The following USP25 variants were observed in gnomAD, a reference collection of about 807,000 sequenced individuals.
USP25 encodes the protein ubiquitin carboxyl-terminal hydrolase 25.
A neutral mutation model predicts 158.5 loss-of-function variants in USP25; 85 were observed. The ratio of observed to expected loss-of-function variants is 0.54; its 90% CI spans 0.45 to 0.64. The LOEUF is 0.64. USP25 is among the 30% of genes least tolerant of loss of function. The pLI, the probability that USP25 is intolerant of heterozygous loss-of-function variation, is 0.00. For missense variants in USP25, 1,242 were observed against 1,327.3 expected (o/e 0.94, Z 1.00); for synonymous variants, 464 against 460.4 (o/e 1.01, Z -0.10).
At chr21:15,869,955 C>G in intron 22 of USP25, 113 bp from the exon 23 acceptor site, 1 of 719,414 alleles carries the variant, frequency 1.4e-6, no homozygotes, top group Non-Finnish European at 2.2e-6. Context: ...ATTTTGAACT[C>G]TTTATTTCTA....
intron 5 of USP25, among the ~76,000 whole-genome samples, chr21:15,793,020 C>T (rs914061993): frequency 2.0e-5 from 3 of 151,418 alleles, no homozygotes; most frequent in African/African-American, 2.4e-5. Context: ...ACTTTACTTG[C>T]GCTATCTATT....
chr21:15,800,192 A>G (rs1323672725), intron 6 of USP25, among the ~76,000 whole-genome samples: 2 of 151,292 alleles, frequency 1.3e-5, no homozygotes, highest in South Asian at 2.1e-4. Context: ...TTTCTTTTCA[A>G]TTGATCGTCT....
chr21:15,873,736 G>A (rs1001327931), intron 23 of USP25, among the ~76,000 whole-genome samples: 2 of 151,934 alleles, frequency 1.3e-5, no homozygotes, highest in Middle Eastern at 3.4e-3. Context: ...CAGGTGGTCC[G>A]TCTGCCTCAG....
chr21:15,768,522 A>G (rs534972365), intron 3 of USP25, among the ~76,000 whole-genome samples: 1 of 152,220 alleles, frequency 6.6e-6, no homozygotes, highest in East Asian at 1.9e-4. Flanking sequence ...TACTGTTGAG[A>G]AGAAATGAAG....
intron 5 of USP25, among the ~76,000 whole-genome samples, chr21:15,794,049 C>T (rs1370467863): frequency 6.6e-6 from 1 of 151,376 alleles, no homozygotes; most frequent in African/African-American, 2.4e-5. Flanking sequence ...TGTAAATGTA[C>T]TGTAAAGTTT....
intron 1 of USP25, among the ~76,000 whole-genome samples, chr21:15,750,656 G>A (rs953596246): frequency 1.3e-5 from 2 of 151,802 alleles, no homozygotes; most frequent in African/African-American, 4.8e-5. Flanking sequence ...GCCTAGGCTG[G>A]AGTGCCGTGG....
intron 3 of USP25, among the ~76,000 whole-genome samples, chr21:15,769,836 G>T (rs772362996): frequency 1.3e-5 from 2 of 152,134 alleles, no homozygotes; most frequent in Non-Finnish European, 2.9e-5. Context: ...GCGATCAAAA[G>T]ATAAGAGGGA....
At chr21:15,833,076 C>G (rs2037890507) in intron 16 of USP25, among the ~76,000 whole-genome samples, 1 of 151,864 alleles carries the variant, frequency 6.6e-6, no homozygotes, top group Non-Finnish European at 1.5e-5. Context: ...TTTTCTGTCA[C>G]TTCTACTCTT....
chr21:15,852,591 A>T (rs528103357), intron 20 of USP25, among the ~76,000 whole-genome samples: 1 of 152,254 alleles, frequency 6.6e-6, no homozygotes, highest in South Asian at 2.1e-4. Flanking sequence ...GTCCACATAT[A>T]GTCGGAGATG....
chr21:15,824,974 A>G lies in USP25; in HGVS notation c.1217A>G (p.His406Arg), dbSNP rs1230360525. 5 of 1,609,116 alleles carry G rather than the reference A, an allele frequency of 3.1e-6. 1 individual carries two copies. The South Asian group carries it at 4.4e-5, about 14-fold the overall frequency. ...TTACCTTTTTCTGATAGATACATGC[A>G]CAGAAACAGAGAAATAACAAGAATT... is the stretch of plus-strand genomic sequence containing the variant. The part of the protein sequence containing the change: ...PQVLYLDRYM[H>R]RNREITRIKR... Residue 406 changes from histidine (H) to arginine (R), a missense_variant, in exon 12 of 26, where the codon CAC becomes CGC. Physicochemically the swap from His to Arg is conservative, Grantham distance 29 (BLOSUM62 0). Transcript: ENST00000400183.
rs192241219 is a variant in USP25, at chr21:15,837,854, C to T, written c.2194+4306C>T. Among the ~76,000 whole-genome samples, 110 of 152,052 alleles carry T rather than the reference C, an allele frequency of 7.2e-4. 1 individual carries two copies. The highest frequency in any genetic ancestry group is 2.5e-3 in the African/African-American group (102 of 41,470). On this transcript the variant is annotated intron_variant, in intron 17 of 25. Coordinates refer to ENST00000400183, the MANE Select transcript of USP25 (RefSeq NM_001283041.3). The stretch of plus-strand genomic sequence containing the variant: ...AATAAGCTGATGTTCCAGGAGAGTA[C>T]GGTTGGATCCTGAGAGTAAGACCTG...
intron 24 of USP25, among the ~76,000 whole-genome samples, chr21:15,874,940 G>A (rs2040041910): frequency 6.6e-6 from 1 of 152,144 alleles, no homozygotes; most frequent in Non-Finnish European, 1.5e-5. Flanking sequence ...GCTGAGGCTG[G>A]TGGATCACAA....
In USP25 at chr21:15,849,873, G is replaced by T. The variant is rs1201316066; in HGVS notation, c.2547+1G>T. On this transcript the variant is annotated splice_donor_variant, in intron 20 of 25. Transcript: ENST00000400183. LOFTEE classifies it high-confidence loss of function. ...TGGCCCTGAAGCAGGGTTCTTTAAG[G>T]TACAATGAACATTTTCATTTTCGTG... 2.0e-6 allele frequency: 3 copies of T among 1,485,760 alleles called. No individual in the cohort carries two copies. The Admixed American group carries it at 7.6e-5, about 37-fold the overall frequency. 92.0% of individuals were successfully genotyped at this position (1,485,760 alleles called of 1,614,324 possible).
chr21:15,800,165 T>C (rs764827659), intron 6 of USP25, among the ~76,000 whole-genome samples: 3 of 151,306 alleles, frequency 2.0e-5, no homozygotes, highest in Non-Finnish European at 4.4e-5. Flanking sequence ...TCCTAAAAAA[T>C]TTTGTGGAAA....
At chr21:15,760,674 C>G (rs545966473) in intron 1 of USP25, among the ~76,000 whole-genome samples, 59 of 152,278 alleles carry the variant, frequency 3.9e-4, no homozygotes, top group African/African-American at 1.4e-3. Flanking sequence ...GTCAACAAAG[C>G]TGAATGCAGA....
chr21:15,750,585 C>A (rs1353208338), intron 1 of USP25, among the ~76,000 whole-genome samples: 1 of 151,304 alleles, frequency 6.6e-6, no homozygotes, highest in Non-Finnish European at 1.5e-5. Flanking sequence ...TAATGCTCAG[C>A]GTATATGGTT....
At chr21:15,870,310 T>C (rs1207446959) in intron 23 of USP25, among the ~76,000 whole-genome samples, 163 bp downstream of exon 23, 3 of 152,320 alleles carry the variant, frequency 2.0e-5, no homozygotes, top group East Asian at 3.9e-4. Context: ...ACAGTTGATA[T>C]AGAGACTTCC....
At chr21:15,783,468 T>G (rs1469384545) in intron 4 of USP25, among the ~76,000 whole-genome samples, 1 of 152,114 alleles carries the variant, frequency 6.6e-6, no homozygotes, top group Non-Finnish European at 1.5e-5. Context: ...TACACAATTC[T>G]AAAAGCTGTA....
chr21:15,853,325 G>GCACACGTGTACACATACATGTACACA (rs2038980085), intron 20 of USP25, among the ~76,000 whole-genome samples: 2 of 151,674 alleles, frequency 1.3e-5, no homozygotes, highest in East Asian at 1.9e-4. Context: ...ACATGTACAC[G>GCACACGTGTACACATACATGTACACA]CACACGTGTA....
Sources: allele counts gnomAD v4.1 joint callset (sites outside exome capture counted in the v4.1 genomes callset), GRCh38; gene constraint gnomAD v4.1.1; transcripts MANE v1.5; gene names NCBI Gene and HGNC (gene_info 2026-07-23, HGNC 2026-07-21).